The following UNC13C variants were observed in gnomAD, a reference collection of about 807,000 sequenced individuals.
The protein encoded by UNC13C is unc-13 homolog C.
A neutral mutation model predicts 245.4 loss-of-function variants in UNC13C; 174 were observed. That is an observed-to-expected ratio of 0.71 (90% confidence interval 0.63 to 0.80). The LOEUF (loss-of-function observed/expected upper bound fraction) is 0.80. UNC13C is among the 30% of genes least tolerant of loss of function. The pLI is 0.00. For missense variants in UNC13C, 2,829 were observed against 2,602.9 expected (o/e 1.09, Z -1.89); for synonymous variants, 992 against 895.1 (o/e 1.11, Z -1.93).
chr15:54,085,001 A>C (rs996648062), intron 2 of UNC13C, among the ~76,000 whole-genome samples: 4 of 152,224 alleles, frequency 2.6e-5, no homozygotes, highest in East Asian at 1.9e-4. Context: ...ATAATGTATA[A>C]AAATTTATTT....
At chr15:54,421,494 C>T (rs937112569) in intron 19 of UNC13C, among the ~76,000 whole-genome samples, 2 of 152,014 alleles carry the variant, frequency 1.3e-5, no homozygotes, top group African/African-American at 4.8e-5. Flanking sequence ...ATCAGCTAGG[C>T]AGTTGGTGGA....
At chr15:54,355,314 A>G (rs77597487) in intron 17 of UNC13C, among the ~76,000 whole-genome samples, 3 of 152,248 alleles carry the variant, frequency 2.0e-5, no homozygotes, top group Non-Finnish European at 2.9e-5. Flanking sequence ...TACACATGTC[A>G]TGTTTCATTT....
Position 54,621,538 on chromosome 15 carries a change from T to A in UNC13C, c.6107-789T>A, listed in dbSNP as rs116287615. Among the ~76,000 whole-genome samples, 647 of 152,292 alleles carry A rather than the reference T, an allele frequency of 4.2e-3. 5 individuals are homozygous for A. The highest frequency in any genetic ancestry group is 0.015 in the African/African-American group (616 of 41,574). The stretch of plus-strand genomic sequence containing the variant: ...TGGAATGACCTCCATGATACATTTT[T>A]AGGTGAAAAGATAAAGGCCTGGTAA... On this transcript the variant is annotated intron_variant, in intron 30 of 32. Coordinates refer to ENST00000260323, the MANE Select transcript of UNC13C (RefSeq NM_001080534.3).
At position 54,387,152 on chromosome 15, in the gene UNC13C, G is replaced by A. The variant is rs1243045518; in HGVS notation, c.4714-5896G>A. 2.6e-5 allele frequency among the ~76,000 whole-genome samples: 4 copies of A among 152,272 alleles called. No individual in the cohort carries two copies. The East Asian group carries it at 5.8e-4, about 22-fold the overall frequency. On this transcript the variant is annotated intron_variant, in intron 17 of 32. Transcript: ENST00000260323. The stretch of plus-strand genomic sequence containing the variant: ...TTCAAAAATGAGCCAACGGAGTAAA[G>A]TGAAAGCAAAGCAAGTTTATTAGAG...
At chr15:54,095,772 T>G (rs2115820) in intron 2 of UNC13C, among the ~76,000 whole-genome samples, 35,202 of 152,134 alleles carry the variant, frequency 0.23, 4,383 homozygotes, top group East Asian at 0.36. Flanking sequence ...TCAACAAATT[T>G]ATCGACCACT....
intron 19 of UNC13C, among the ~76,000 whole-genome samples, chr15:54,428,605 C>G (rs1285389098): frequency 1.3e-5 from 2 of 151,638 alleles, no homozygotes; most frequent in East Asian, 3.9e-4. Flanking sequence ...GTGAAAGGGA[C>G]TTTTCTGTGT....
At chr15:54,193,802 G>T (rs1448739745) in intron 4 of UNC13C, among the ~76,000 whole-genome samples, 2 of 152,138 alleles carry the variant, frequency 1.3e-5, no homozygotes, top group African/African-American at 2.4e-5. Context: ...AGCACTGATT[G>T]CCAAATGTAC....
intron 2 of UNC13C, among the ~76,000 whole-genome samples, chr15:54,057,742 A>G (rs1897603349): frequency 6.6e-6 from 1 of 152,246 alleles, no homozygotes; most frequent in Non-Finnish European, 1.5e-5. Context: ...GTAAAAGAAT[A>G]GAAATTATAA....
chr15:54,131,641 C>T (rs1041181394), intron 2 of UNC13C, among the ~76,000 whole-genome samples: 1 of 152,150 alleles, frequency 6.6e-6, no homozygotes, highest in Admixed American at 6.5e-5. Context: ...TCCGTTATCA[C>T]ACCTAAACAA....
At chr15:54,615,042 T>A (rs1388190107) in intron 30 of UNC13C, among the ~76,000 whole-genome samples, 4 of 151,966 alleles carry the variant, frequency 2.6e-5, no homozygotes, top group Admixed American at 2.6e-4. Context: ...TCAAATGAGA[T>A]GTATTTAGAC....
intron 8 of UNC13C, among the ~76,000 whole-genome samples, chr15:54,251,661 G>C (rs1270929733): frequency 1.3e-5 from 2 of 152,154 alleles, no homozygotes; most frequent in Non-Finnish European, 2.9e-5. Flanking sequence ...TTGCCAAAAA[G>C]TTATATTTCA....
At chr15:54,376,969 T>C (rs953379967) in intron 17 of UNC13C, among the ~76,000 whole-genome samples, 3 of 152,154 alleles carry the variant, frequency 2.0e-5, no homozygotes, top group Non-Finnish European at 4.4e-5. Context: ...ATGACAGACA[T>C]TCTTAAGGGA....
intron 8 of UNC13C, among the ~76,000 whole-genome samples, chr15:54,263,109 GA>G (rs1252165610): frequency 6.6e-6 from 1 of 151,922 alleles, no homozygotes; most frequent in African/African-American, 2.4e-5. Context: ...TAATAGTTCA[GA>G]AAAAAATGAG....
At chr15:54,450,622 G>A (rs1891118909) in intron 19 of UNC13C, among the ~76,000 whole-genome samples, 1 of 152,332 alleles carries the variant, frequency 6.6e-6, no homozygotes, top group African/African-American at 2.4e-5. Context: ...GATTGGAAAA[G>A]CACAGTATTA....
chr15:54,492,437 TA>T (rs1297134782), intron 19 of UNC13C, among the ~76,000 whole-genome samples: 1 of 152,220 alleles, frequency 6.6e-6, no homozygotes, highest in Admixed American at 6.5e-5. Flanking sequence ...TTGACCATTT[TA>T]ACATTAAATG....
chr15:53,892,134 A>AAC, the UNC13C span, among the ~76,000 whole-genome samples: 3 of 152,174 alleles, frequency 2.0e-5, no homozygotes, highest in African/African-American at 7.2e-5. Context: ...TTCACTTATA[A>AAC]AGCTTAGTTT....
chr15:54,141,011 T>C (rs1403664821), intron 2 of UNC13C, among the ~76,000 whole-genome samples: 1 of 152,180 alleles, frequency 6.6e-6, no homozygotes, highest in Non-Finnish European at 1.5e-5. Flanking sequence ...AAGTAATTGA[T>C]GACCTTGTTA....
intron 13 of UNC13C, among the ~76,000 whole-genome samples, chr15:54,303,697 G>A (rs932548236): frequency 6.0e-5 from 9 of 150,596 alleles, no homozygotes; most frequent in Admixed American, 6.7e-5. Context: ...CCATGACATG[G>A]TCTCAGGAGT....
chr15:54,441,979 C>T (rs1397539889), intron 19 of UNC13C, among the ~76,000 whole-genome samples: 1 of 151,650 alleles, frequency 6.6e-6, no homozygotes, highest in East Asian at 1.9e-4. Flanking sequence ...TAAACTAGTT[C>T]ATTATTATTG....
Sources: gnomAD v4.1 joint callset for allele counts (sites outside exome capture counted in the v4.1 genomes callset) on GRCh38, gnomAD v4.1.1 for gene constraint, MANE v1.5 for transcripts, NCBI Gene and HGNC (gene_info 2026-07-23, HGNC 2026-07-21) for gene names.